Variants in FHIT observed in about 807,000 individuals in gnomAD.
FHIT encodes bis(5'-adenosyl)-triphosphatase.
In FHIT, 19 loss-of-function variants were observed where a neutral mutation model predicts 17.9. That is an observed-to-expected ratio of 1.06 (90% CI 0.74 to 1.56). The LOEUF (loss-of-function observed/expected upper bound fraction) is 1.56. Ranked by LOEUF, FHIT falls within the 40% of genes most tolerant of loss-of-function variation. FHIT has a pLI of 0.00. For missense variants in FHIT, 248 were observed against 189.2 expected, an observed-to-expected ratio of 1.31 and a Z score of -1.82; for synonymous variants, 81 against 69.7, an observed-to-expected ratio of 1.16 and a Z score of -0.81.
chr3:59,986,540 T>TATATACACACACACACAC (rs1473518719), intron 7 of FHIT, among the ~76,000 whole-genome samples: 4 of 12,444 alleles, frequency 3.2e-4, no homozygotes, highest in South Asian at 3.4e-3. Flanking sequence ...TATATATATA[T>TATATACACACACACACAC]ACACACACAC....
At chr3:60,672,874 C>CTTGTGTGTGTGTGTGTGTGT (rs71092628) in intron 4 of FHIT, among the ~76,000 whole-genome samples, 1 of 139,476 alleles carries the variant, frequency 7.2e-6, no homozygotes, top group Non-Finnish European at 1.5e-5. Flanking sequence ...CTCTTTGTAG[C>CTTGTGTGTGTGTGTGTGTGT]GTGTGTGTGT....
chr3:59,796,913 C>T (rs1228520774), intron 8 of FHIT, among the ~76,000 whole-genome samples: 1 of 152,166 alleles, frequency 6.6e-6, no homozygotes, highest in African/African-American at 2.4e-5. Flanking sequence ...CAAATAGCTT[C>T]CTCAAACTTT....
rs76532257 is a variant in FHIT at position 60,962,940 on chromosome 3, G to A, written c.-111+79107C>T. 1.3e-3 allele frequency among the ~76,000 whole-genome samples: 205 copies of A among 152,270 alleles called. 1 individual carries two copies. The highest frequency in any genetic ancestry group is 4.7e-3 in the African/African-American group (194 of 41,556). On this transcript the variant is annotated intron_variant, in intron 3 of 9. Coordinates refer to ENST00000492590, the MANE Select transcript of FHIT (RefSeq NM_002012.4). ...CTTTGATATCAGGACAATGCTGGCCGCATAAAATGAGTTAGGGAGGATTTC... is the reference window on the plus strand; with the variant it reads ...CTTTGATATCAGGACAATGCTGGCCACATAAAATGAGTTAGGGAGGATTTC...
At chr3:60,458,352 G>A (rs1233592667) in intron 5 of FHIT, among the ~76,000 whole-genome samples, 1 of 150,968 alleles carries the variant, frequency 6.6e-6, no homozygotes, top group Non-Finnish European at 1.5e-5. Flanking sequence ...AACACCGCAT[G>A]TTCTCACTCA....
At position 60,648,345 on chromosome 3, in the gene FHIT, C is replaced by A. The variant is rs142492187; in HGVS notation, c.-17-111366G>T. Among the ~76,000 whole-genome samples, 248 of 152,226 alleles carry A rather than the reference C, an allele frequency of 1.6e-3. 1 individual carries two copies. The highest frequency in any genetic ancestry group is 5.4e-3 in the African/African-American group (225 of 41,532). On this transcript the variant is annotated intron_variant, in intron 4 of 9. Transcript: ENST00000492590. ...TTACCTGTGTAAGGGAATCATAAAT[C>A]CAACTTGTATTTTTCTAACAGGGTT...
chr3:60,244,280 T>C (rs890264470), intron 5 of FHIT, among the ~76,000 whole-genome samples: 2 of 152,028 alleles, frequency 1.3e-5, no homozygotes, highest in African/African-American at 4.8e-5. Flanking sequence ...CACACATACC[T>C]ATATACACAT....
chr3:60,534,777 C>A (rs2107595462), intron 5 of FHIT, among the ~76,000 whole-genome samples: 1 of 152,246 alleles, frequency 6.6e-6, no homozygotes, highest in South Asian at 2.1e-4. Flanking sequence ...GAGCAGGGTT[C>A]ATTTCCCAAA....
chr3:59,787,481 AACACACACACACACACAC>A (rs58100812), intron 8 of FHIT, among the ~76,000 whole-genome samples: 33 of 142,498 alleles, frequency 2.3e-4, no homozygotes, highest in African/African-American at 4.7e-4. Flanking sequence ...CAAGGGGCAA[AACACACACACACACACAC>A]ACACACACAC....
chr3:60,006,207 T>A (rs1244897297), intron 7 of FHIT, among the ~76,000 whole-genome samples: 1 of 152,178 alleles, frequency 6.6e-6, no homozygotes, highest in Non-Finnish European at 1.5e-5. Flanking sequence ...TTTCCCCAAT[T>A]AAGAAGGCAG....
At chr3:61,204,406 T>A (rs2039138292) in intron 1 of FHIT, among the ~76,000 whole-genome samples, 1 of 152,148 alleles carries the variant, frequency 6.6e-6, no homozygotes, top group Admixed American at 6.5e-5. Context: ...AGGCTCTATT[T>A]CCGAATTTTA....
intron 4 of FHIT, among the ~76,000 whole-genome samples, chr3:60,549,522 C>T (rs573176423): frequency 5.3e-5 from 8 of 152,188 alleles, no homozygotes; most frequent in African/African-American, 1.7e-4. Context: ...ATTAAGGCTA[C>T]GGGTATGAAC....
intron 4 of FHIT, among the ~76,000 whole-genome samples, chr3:60,541,929 T>A (rs1256601702): frequency 1.3e-5 from 2 of 152,156 alleles, no homozygotes; most frequent in Non-Finnish European, 2.9e-5. Flanking sequence ...GGCTCTTCTT[T>A]TTCTTTTCAC....
intron 2 of FHIT, chr3:61,167,178 G>T (rs1286870830): frequency 4.0e-5 from 6 of 151,790 alleles, no homozygotes; most frequent in Admixed American, 3.9e-4. Flanking sequence ...TTCGATACAG[G>T]ATTTTTCTTG....
chr3:59,955,178 G>C (rs1002761545), intron 7 of FHIT, among the ~76,000 whole-genome samples: 1 of 152,218 alleles, frequency 6.6e-6, no homozygotes, highest in South Asian at 2.1e-4. Context: ...TCTTAACAAG[G>C]TCATCAGTGA....
intron 5 of FHIT, among the ~76,000 whole-genome samples, chr3:60,395,454 A>G (rs1223962035): frequency 6.6e-6 from 1 of 152,176 alleles, no homozygotes; most frequent in African/African-American, 2.4e-5. Flanking sequence ...TTCACTCTTA[A>G]TCATTTACTA....
chr3:61,051,005 C>T (rs1006488133), intron 2 of FHIT, among the ~76,000 whole-genome samples: 1 of 152,194 alleles, frequency 6.6e-6, no homozygotes, highest in African/African-American at 2.4e-5. Flanking sequence ...CCTTTCAATA[C>T]TCATACACGT....
rs556942770 is a variant in FHIT at position 60,039,502 on chromosome 3, G to C, written c.104-25350C>G. ...AAGGCTGCTTAGGTGATGGGCAAGAGAGTCCTTGGAGAATGCAGATAATCA... is the reference window on the plus strand; with the variant it reads ...AAGGCTGCTTAGGTGATGGGCAAGACAGTCCTTGGAGAATGCAGATAATCA... On this transcript the variant is annotated intron_variant, in intron 5 of 9. Transcript: ENST00000492590. 7.2e-5 allele frequency among the ~76,000 whole-genome samples: 11 copies of C among 152,306 alleles called. No individual in the cohort carries two copies. The East Asian group carries it at 1.3e-3, about 19-fold the overall frequency.
chr3:59,994,806 T>C (rs988293760), intron 7 of FHIT, among the ~76,000 whole-genome samples: 1 of 152,076 alleles, frequency 6.6e-6, no homozygotes, highest in Non-Finnish European at 1.5e-5. Context: ...CAAGGAGGTA[T>C]AAAGCTCAGA....
intron 4 of FHIT, among the ~76,000 whole-genome samples, chr3:60,569,755 A>ATATATATATATATATT: frequency 0.016 from 1,202 of 77,222 alleles, 33 homozygotes; most frequent in East Asian, 0.063. Context: ...ATATATATAT[A>ATATATATATATATATT]TTTTTTTTTT....
Sources: allele counts gnomAD v4.1 joint callset (sites outside exome capture counted in the v4.1 genomes callset), GRCh38; gene constraint gnomAD v4.1.1; transcripts MANE v1.5; gene names NCBI Gene and HGNC (gene_info 2026-07-23, HGNC 2026-07-21).